KAT2A: variants seen among roughly 807,000 people sequenced by gnomAD.
KAT2A encodes histone acetyltransferase KAT2A.
KAT2A carries 42 observed loss-of-function variants against 95.2 expected under a neutral mutation model. The ratio of observed to expected loss-of-function variants is 0.44; its 90% CI spans 0.34 to 0.57. KAT2A has a LOEUF of 0.57. KAT2A is among the 20% of genes least tolerant of loss of function. The pLI, the probability that KAT2A is intolerant of heterozygous loss-of-function variation, is 0.01. For missense variants in KAT2A, 784 were observed against 1,126.3 expected (o/e 0.70, Z 4.35); for synonymous variants, 449 against 448.2 (o/e 1.00, Z -0.02).
At position 42,118,606 on chromosome 17, in the gene KAT2A, G is replaced by C. The variant is rs113992825; in HGVS notation, c.1074-203C>G. ...CACATCCAGGACAGAGATCAAACAG[G>C]CTCAGTTTCACCACGCTGTGTGGCA... is the stretch of plus-strand genomic sequence containing the variant. On this transcript the variant is annotated intron_variant, in intron 6 of 17. Coordinates refer to ENST00000225916, the MANE Select transcript of KAT2A (RefSeq NM_021078.3). Among the ~76,000 whole-genome samples the C allele has an allele frequency of 2.1e-3, 326 of 152,290 alleles. 2 individuals are homozygous for C. Among genetic ancestry groups the C allele is most frequent in the African/African-American group, 7.3e-3 (302 of 41,548 alleles).
chr17:42,115,884 C>T, intron 11 of KAT2A, 51 bp from the exon 12 acceptor site: 1 of 1,020,830 alleles, frequency 9.8e-7, no homozygotes, highest in Non-Finnish European at 1.6e-6. Flanking sequence ...GGGCCTGGTG[C>T]TGGAGAGGTC....
chr17:42,114,841 C>G lies in KAT2A; in HGVS notation c.2019+51G>C. 6.3e-7 allele frequency: 1 copy of G among 1,598,254 alleles called. No individual in the cohort carries two copies. Among genetic ancestry groups the G allele is most frequent in the East Asian group, 2.2e-5 (1 of 44,816 alleles). ...AGGTCTACACACGTGTGCTCGCCCT[C>G]TGCATGCCCATTCATGAAAAATCCC... On this transcript the variant is annotated intron_variant, in intron 13 of 17. Transcript: ENST00000225916. The surrounding 1 kb of genome is among the most constrained non-coding windows in gnomAD (Gnocchi z 6.0).
Position 42,118,332 on chromosome 17 carries a change from G to A in KAT2A, c.1145C>T (p.Pro382Leu). ...SPIWESGFTMPPSEGTQLVPR... is the reference protein window; with the variant it reads ...SPIWESGFTMLPSEGTQLVPR... Reference sequence around the variant, plus strand: ...AACCAGCTGTGTCCCCTCTGAGGGTGGCATGGTGAAGCCTGACTCCCAGAT... The same window carrying A: ...AACCAGCTGTGTCCCCTCTGAGGGTAGCATGGTGAAGCCTGACTCCCAGAT... The change falls in exon 7 of 18, where the codon CCA (proline) becomes CTA (leucine). Residue 382 changes from proline to leucine, a missense_variant. Pro to Leu is a moderately conservative substitution (Grantham distance 98). Around this residue, in one of 6 missense-constraint regions of KAT2A, gnomAD observed 63 missense variants for 70.1 expected, o/e 0.90. Coordinates refer to ENST00000225916, the MANE Select transcript of KAT2A (RefSeq NM_021078.3). 1.2e-6 allele frequency: 2 copies of A among 1,613,808 alleles called. No individual in the cohort carries two copies. The highest frequency in any genetic ancestry group is 2.2e-5 in the South Asian group (2 of 91,080).
chr17:42,116,915 G>C (rs1390319641), intron 11 of KAT2A, 120 bp downstream of exon 11: 8 of 1,229,046 alleles, frequency 6.5e-6, no homozygotes, highest in Non-Finnish European at 9.2e-6. Context: ...TGTGAGGAAC[G>C]GGCCGCTAAC....
At position 42,117,861 on chromosome 17, in the gene KAT2A, TG is replaced by T; in HGVS notation, c.1291+45del. On this transcript the variant is annotated intron_variant, in intron 8 of 17. Coordinates refer to ENST00000225916, the MANE Select transcript of KAT2A (RefSeq NM_021078.3). This position sits in a 1 kb window ranked among gnomAD's most constrained non-coding sequence, Gnocchi z 8.9. ...TTGCTCAGGATCAGTAAAAAAGGTT[TG>T]GGAAGGAGTGAATGAGGGTCAGAGG... 6.2e-7 allele frequency: 1 copy of T among 1,607,310 alleles called. No homozygotes were observed. The highest frequency in any genetic ancestry group is 8.5e-7 in the Non-Finnish European group (1 of 1,175,218).
chr17:42,120,461 C>G (rs1336386887), intron 2 of KAT2A, 91 bp from the exon 3 acceptor site: 5 of 1,404,694 alleles, frequency 3.6e-6, no homozygotes, highest in Non-Finnish European at 5.0e-6. Flanking sequence ...GATACACACT[C>G]TGTTCCTCCA....
At position 42,117,007 on chromosome 17, in the gene KAT2A, G is replaced by A; in HGVS notation, c.1764+28C>T. 1.9e-6 allele frequency: 3 copies of A among 1,612,200 alleles called. No individual in the cohort carries two copies. Among genetic ancestry groups the A allele is most frequent in the East Asian group, 2.2e-5 (1 of 44,862 alleles). ...CAAACTCAGGAGTGGGCCGTGGACT[G>A]GGGCTGGGGCCGGGGAGCCGCGCTC... On this transcript the variant is annotated intron_variant, in intron 11 of 17. Coordinates refer to ENST00000225916, the MANE Select transcript of KAT2A (RefSeq NM_021078.3). This position sits in a 1 kb window ranked among gnomAD's most constrained non-coding sequence, Gnocchi z 8.9.
chr17:42,120,574 A>ACC, intron 2 of KAT2A, 132 bp downstream of exon 2: 2 of 915,028 alleles, frequency 2.2e-6, no homozygotes, highest in Non-Finnish European at 3.3e-6. Context: ...CTTGGTGCAC[A>ACC]CCCCCCCCCA....
At position 42,121,195 on chromosome 17, in the gene KAT2A, G is replaced by T; in HGVS notation, c.110C>A (p.Ala37Asp). The change falls in exon 1 of 18, where the codon GCC (alanine) becomes GAC (aspartate). Residue 37 changes from alanine (A) to aspartate (D), a missense_variant. Coordinates refer to ENST00000225916, the MANE Select transcript of KAT2A (RefSeq NM_021078.3). ...TPTPAPSPAS[A>D]PIPTPTPAPA... ...TGCCGGGGTGGGAGTCGGAATCGGGGCTGAAGCCGGGCTGGGTGCAGGAGT... is the reference window on the plus strand; with the variant it reads ...TGCCGGGGTGGGAGTCGGAATCGGGTCTGAAGCCGGGCTGGGTGCAGGAGT... 1 of 1,366,720 alleles carries T rather than the reference G, an allele frequency of 7.3e-7. No individual in the cohort carries two copies. Among genetic ancestry groups the T allele is most frequent in the Non-Finnish European group, 9.7e-7 (1 of 1,028,772 alleles). The allele number at this position is 1,366,720 out of a possible 1,614,324, so 84.7% of individuals were successfully genotyped here.
rs143589577 is a variant in KAT2A, at chr17:42,113,706, G to A, written c.2457C>T (p.Ser819=). 3.1e-5 allele frequency: 50 copies of A among 1,611,392 alleles called. No homozygotes were observed. The Middle Eastern group carries it at 5.0e-4, about 16-fold the overall frequency. Reference sequence around the variant, plus strand: ...TGAAGTAGAAGAACTTCTCCAGGGCGCTGGCACAGCGGCAGTACTCGCTGT... The same window carrying A: ...TGAAGTAGAAGAACTTCTCCAGGGCACTGGCACAGCGGCAGTACTCGCTGT... The part of the protein sequence containing the change: ...PPDSEYCRCA[S]ALEKFFYFKL... The change falls in exon 18 of 18, where the codon AGC becomes AGT. Residue 819 remains serine (S), a synonymous_variant. Transcript: ENST00000225916.
chr17:42,119,340 G>A lies in KAT2A; in HGVS notation c.978C>T (p.Phe326=). The A allele has an allele frequency of 6.2e-7, 1 of 1,614,158 alleles. No homozygotes were observed. The highest frequency in any genetic ancestry group is 2.2e-5 in the East Asian group (1 of 44,890). ...CCAGCAGCTGCCGGCGGGTAACGGT[G>A]AAAATGGACCGGAGAAGGCTTCGCC... The part of the protein sequence containing the change: ...VFGRSLLRSI[F]TVTRRQLLEK... The change falls in exon 6 of 18, where the codon TTC becomes TTT. Residue 326 remains phenylalanine, a synonymous_variant. Transcript: ENST00000225916. This position sits in a 1 kb window ranked among gnomAD's most constrained non-coding sequence, Gnocchi z 5.3.
intron 2 of KAT2A, 112 bp from the exon 3 acceptor site, chr17:42,120,482 C>G: frequency 7.7e-7 from 1 of 1,301,264 alleles, no homozygotes; most frequent in Non-Finnish European, 1.1e-6. Flanking sequence ...ACCAGTGTGA[C>G]CAACAGTGAG....
At chr17:42,120,503 C>T (rs1458692416) in intron 2 of KAT2A, 133 bp from the exon 3 acceptor site, 6 of 1,226,812 alleles carry the variant, frequency 4.9e-6, no homozygotes, top group Non-Finnish European at 7.0e-6. Context: ...ACTGACTGCT[C>T]CGATATCAAC....
In KAT2A at chr17:42,113,513, A is replaced by G; in HGVS notation, c.*136T>C. On this transcript the variant is annotated 3_prime_UTR_variant, in exon 18 of 18. Coordinates refer to ENST00000225916, the MANE Select transcript of KAT2A (RefSeq NM_021078.3). The stretch of plus-strand genomic sequence containing the variant: ...TGCCTGAAGGTCCAGAAAGAGCTGC[A>G]GGATCGGGTCCGGAGGACCCTTGGC... 1 of 740,870 alleles carries G rather than the reference A, an allele frequency of 1.3e-6. No individual in the cohort carries two copies. The highest frequency in any genetic ancestry group is 2.2e-6 in the Non-Finnish European group (1 of 462,334). 45.9% of individuals were successfully genotyped at this position (740,870 alleles called of 1,614,324 possible).
intron 11 of KAT2A, among the ~76,000 whole-genome samples, chr17:42,116,428 A>G (rs2054259303): frequency 6.6e-6 from 1 of 152,220 alleles, no homozygotes; most frequent in African/African-American, 2.4e-5. Flanking sequence ...TGTAATAATG[A>G]TTAGTTTGGC....
chr17:42,118,416 C>T lies in KAT2A; in HGVS notation c.1074-13G>A, dbSNP rs1555666590. ...CATGGACAGGAATCTGTAGGGAGGACACAGTCTGTCCCACAACTCTGTTCT... is the reference window on the plus strand; with the variant it reads ...CATGGACAGGAATCTGTAGGGAGGATACAGTCTGTCCCACAACTCTGTTCT... On this transcript the variant is annotated splice_polypyrimidine_tract_variant and intron_variant, in intron 6 of 17. Transcript: ENST00000225916. The T allele has an allele frequency of 6.4e-7, 1 of 1,558,176 alleles. No individual in the cohort carries two copies. The highest frequency in any genetic ancestry group is 1.4e-5 in the African/African-American group (1 of 73,908).
Position 42,117,028 on chromosome 17 carries a change from C to A in KAT2A, c.1764+7G>T, listed in dbSNP as rs147999016. On this transcript the variant is annotated splice_region_variant and intron_variant, in intron 11 of 17. Coordinates refer to ENST00000225916, the MANE Select transcript of KAT2A (RefSeq NM_021078.3). The surrounding 1 kb of genome is among the most constrained non-coding windows in gnomAD (Gnocchi z 8.9). Reference sequence around the variant, plus strand: ...GACTGGGGCTGGGGCCGGGGAGCCGCGCTCACCTTGACCTGCTCATTCGAG... The same window carrying A: ...GACTGGGGCTGGGGCCGGGGAGCCGAGCTCACCTTGACCTGCTCATTCGAG... 1.3e-4 allele frequency: 203 copies of A among 1,613,580 alleles called. 1 individual carries two copies. In the Middle Eastern group the frequency reaches 1.6e-3, roughly 13 times the overall value.
Position 42,120,772 on chromosome 17 carries a change from G to A in KAT2A, c.397C>T (p.Arg133Cys), listed in dbSNP as rs1555667120. The change falls in exon 2 of 18, where the codon CGC (arginine) becomes TGC (cysteine). Residue 133 changes from arginine to cysteine, a missense_variant. Coordinates refer to ENST00000225916, the MANE Select transcript of KAT2A (RefSeq NM_021078.3). The stretch of plus-strand genomic sequence containing the variant: ...GCAGCTGGCTGCTGCAGATCCATGC[G>A]GGGTGCAGTGGGGGGCTTGGGGTTT... ...WKNPKPPTAP[R>C]MDLQQPAANL... The A allele has an allele frequency of 1.2e-6, 2 of 1,613,930 alleles. No homozygotes were observed. Among genetic ancestry groups the A allele is most frequent in the African/African-American group, 1.3e-5 (1 of 75,046 alleles).
rs1555665271 is a variant in KAT2A, at chr17:42,113,857, G to C, written c.2321-15C>G. ...GGTCTTCAGGTCTGGGGCAGCAGGA[G>C]ACGGAGCACAGCTTTAAGAGGCTGA... On this transcript the variant is annotated splice_polypyrimidine_tract_variant and intron_variant, in intron 17 of 17. Transcript: ENST00000225916. 9 of 1,563,790 alleles carry C rather than the reference G, an allele frequency of 5.8e-6. No homozygotes were observed. The highest frequency in any genetic ancestry group is 2.8e-5 in the African/African-American group (2 of 72,426).
Sources: allele counts gnomAD v4.1 joint callset (sites outside exome capture counted in the v4.1 genomes callset), GRCh38; gene constraint gnomAD v4.1.1; regional missense constraint gnomAD v4.1.1; non-coding constraint Gnocchi (gnomAD v3.1); transcripts MANE v1.5; gene names NCBI Gene and HGNC (gene_info 2026-07-23, HGNC 2026-07-21).